The following LEF1 variants were observed in gnomAD, a reference collection of about 807,000 sequenced individuals.
LEF1 encodes the protein lymphoid enhancer binding factor 1, also known as lymphoid enhancer-binding factor 1.
In LEF1, 14 loss-of-function variants were observed where a neutral mutation model predicts 51.2. The ratio of observed to expected loss-of-function variants is 0.27; its 90% CI spans 0.18 to 0.43. LEF1 has a LOEUF of 0.43. Among genes scored for constraint, LEF1 ranks in the 20% least tolerant of loss-of-function variants. The probability of loss-of-function intolerance (pLI) is 1.00; values close to 1 mark genes in which losing one functional copy is unlikely to be tolerated. For synonymous variants in LEF1, 185 were observed against 183.2 expected, an observed-to-expected ratio of 1.01 and a Z score of -0.08; for missense variants, 386 against 512.0, an observed-to-expected ratio of 0.75 and a Z score of 2.37.
intron 4 of LEF1, among the ~76,000 whole-genome samples, chr4:108,088,020 G>T (rs78836820): frequency 0.06 from 9,141 of 152,302 alleles, 370 homozygotes; most frequent in Non-Finnish European, 0.092. Flanking sequence ...AGCAAACCTA[G>T]AAATGTCTGC....
intron 11 of LEF1, among the ~76,000 whole-genome samples, chr4:108,057,897 G>A (rs1241465498): frequency 4.0e-5 from 6 of 148,852 alleles, no homozygotes; most frequent in Non-Finnish European, 4.4e-5. Flanking sequence ...TCCCCGAGAC[G>A]GAGTCTCTCA....
At chr4:108,068,096 C>T (rs900674653) in intron 9 of LEF1, among the ~76,000 whole-genome samples, 5 of 149,020 alleles carry the variant, frequency 3.4e-5, no homozygotes, top group East Asian at 2.0e-4. Flanking sequence ...GGAGAAACCC[C>T]GTCTCTACTA....
At chr4:108,154,383 T>C (rs1744551477) in intron 3 of LEF1, among the ~76,000 whole-genome samples, 1 of 130,322 alleles carries the variant, frequency 7.7e-6, no homozygotes, top group Non-Finnish European at 1.5e-5. Context: ...CACATTAGGA[T>C]TAAATTAAAT....
intron 4 of LEF1, among the ~76,000 whole-genome samples, chr4:108,088,617 T>G (rs1739805718): frequency 6.6e-6 from 1 of 152,212 alleles, no homozygotes; most frequent in Non-Finnish European, 1.5e-5. Flanking sequence ...AGATTCACGA[T>G]TCTTGGACTT....
At chr4:108,126,663 G>A (rs1578373832) in intron 3 of LEF1, among the ~76,000 whole-genome samples, 1 of 151,730 alleles carries the variant, frequency 6.6e-6, no homozygotes, top group African/African-American at 2.4e-5. Context: ...AATTAGCCGG[G>A]CATGATGGTG....
At chr4:108,070,626 G>T (rs777502245) in intron 9 of LEF1, 37 bp downstream of exon 9, 1 of 1,337,888 alleles carries the variant, frequency 7.5e-7, no homozygotes, top group Admixed American at 1.7e-5. Flanking sequence ...GCGAATGAGT[G>T]AGAGTGGAGA....
At chr4:108,057,007 T>C (rs1179221476) in intron 11 of LEF1, among the ~76,000 whole-genome samples, 1 of 151,812 alleles carries the variant, frequency 6.6e-6, no homozygotes, top group African/African-American at 2.4e-5. Context: ...CAAGGGTAGC[T>C]GCGCAGCCAC....
chr4:108,088,883 A>C (rs1042719527), intron 4 of LEF1, among the ~76,000 whole-genome samples: 2 of 152,086 alleles, frequency 1.3e-5, no homozygotes, highest in African/African-American at 4.8e-5. Context: ...TGAATGAAAG[A>C]TTTTCATTCA....
intron 3 of LEF1, among the ~76,000 whole-genome samples, chr4:108,152,101 T>C (rs1457246781): frequency 1.3e-5 from 2 of 152,172 alleles, no homozygotes; most frequent in Non-Finnish European, 2.9e-5. Flanking sequence ...GGAGGACTTA[T>C]GAGGACCCGA....
chr4:108,107,300 A>G (rs923714354), intron 3 of LEF1, among the ~76,000 whole-genome samples: 5 of 151,576 alleles, frequency 3.3e-5, no homozygotes, highest in Non-Finnish European at 4.4e-5. Flanking sequence ...TAAAGATCAC[A>G]CAGATCTAGC....
intron 1 of LEF1, among the ~76,000 whole-genome samples, chr4:108,165,809 A>G (rs865864906): frequency 1.3e-5 from 2 of 152,154 alleles, no homozygotes; most frequent in African/African-American, 4.8e-5. Flanking sequence ...CCCAGTTGAT[A>G]TCAGTTTTGG....
At chr4:108,119,159 C>T (rs1002365994) in intron 3 of LEF1, among the ~76,000 whole-genome samples, 3 of 146,128 alleles carry the variant, frequency 2.1e-5, no homozygotes, top group African/African-American at 7.7e-5. Context: ...AAAGCTAACT[C>T]CCACATACGA....
intron 3 of LEF1, among the ~76,000 whole-genome samples, chr4:108,121,114 C>A (rs1742154198): frequency 6.6e-6 from 1 of 152,144 alleles, no homozygotes; most frequent in Non-Finnish European, 1.5e-5. Flanking sequence ...GACACATGTG[C>A]TTAAGGGCCT....
At chr4:108,093,164 G>A (rs1424364151) in intron 3 of LEF1, among the ~76,000 whole-genome samples, 2 of 152,110 alleles carry the variant, frequency 1.3e-5, no homozygotes, top group African/African-American at 4.8e-5. Flanking sequence ...GTCAAGCCAG[G>A]ACTACTGTAT....
Position 108,168,370 on chromosome 4 carries a change from AAAAG to A in LEF1, c.-607_-604del, listed in dbSNP as rs1225209968. On this transcript the variant is annotated 5_prime_UTR_variant, in exon 1 of 12. Coordinates refer to ENST00000265165, the MANE Select transcript of LEF1 (RefSeq NM_016269.5). The surrounding 1 kb of genome is among the most constrained non-coding windows in gnomAD (Gnocchi z 4.6). The stretch of plus-strand genomic sequence containing the variant: ...CGTCCACTTCCTGAAGGGTGGGAAA[AAAAG>A]AAAAAGAAAAAGGAGCCACCCACGC... The A allele has an allele frequency of 6.6e-6, 1 of 152,194 alleles. No homozygotes were observed. Among genetic ancestry groups the A allele is most frequent in the East Asian group, 1.9e-4 (1 of 5,188 alleles). 9.4% of individuals were successfully genotyped at this position (152,194 alleles called of 1,614,324 possible). A position where few individuals can be genotyped will look rare whatever the true frequency, so the allele number is the denominator to read the frequency against.
At chr4:108,060,472 C>T (rs1435378901) in intron 11 of LEF1, among the ~76,000 whole-genome samples, 1 of 152,038 alleles carries the variant, frequency 6.6e-6, no homozygotes, top group Non-Finnish European at 1.5e-5. Flanking sequence ...CTGCCCCAGG[C>T]CGCACAAATT....
intron 4 of LEF1, among the ~76,000 whole-genome samples, chr4:108,086,918 C>T (rs1739689193): frequency 6.6e-6 from 1 of 151,824 alleles, no homozygotes; most frequent in Admixed American, 6.6e-5. Flanking sequence ...AGAATGAGCT[C>T]TGCTGGCAAA....
At chr4:108,066,196 A>G (rs1738068131) in intron 9 of LEF1, among the ~76,000 whole-genome samples, 1 of 152,216 alleles carries the variant, frequency 6.6e-6, no homozygotes, top group Non-Finnish European at 1.5e-5. Flanking sequence ...CTCTGGGGAC[A>G]GGGAGTAGAG....
intron 3 of LEF1, among the ~76,000 whole-genome samples, chr4:108,134,546 T>C (rs1012743681): frequency 1.3e-5 from 2 of 152,228 alleles, no homozygotes; most frequent in Admixed American, 6.5e-5. Flanking sequence ...GAGAAGCTGA[T>C]GGGCCACACA....
Sources: gnomAD v4.1 joint callset for allele counts (sites outside exome capture counted in the v4.1 genomes callset) on GRCh38, gnomAD v4.1.1 for gene constraint, Gnocchi (gnomAD v3.1) non-coding constraint, MANE v1.5 for transcripts, NCBI Gene and HGNC (gene_info 2026-07-23, HGNC 2026-07-21) for gene names.